Variants in SLIT3 observed in about 807,000 individuals in gnomAD.
The protein encoded by SLIT3 is slit homolog 3 protein.
SLIT3 carries 68 observed loss-of-function variants against 184.0 expected under a neutral mutation model. The observed-to-expected ratio is 0.37, with a 90% CI of 0.30 to 0.45. The LOEUF (loss-of-function observed/expected upper bound fraction) is 0.45, where lower values mean the gene tolerates loss of function less well. SLIT3 is among the 20% of genes least tolerant of loss of function. The pLI is 1.00. For missense variants in SLIT3, 1,707 were observed against 2,026.0 expected (o/e 0.84, Z 3.02); for synonymous variants, 831 against 828.6 (o/e 1.00, Z -0.05).
chr5:169,200,205 C>A (rs535766346), intron 3 of SLIT3, among the ~76,000 whole-genome samples: 13 of 152,236 alleles, frequency 8.5e-5, no homozygotes, highest in Non-Finnish European at 1.8e-4. Flanking sequence ...GCATGGCCCA[C>A]TGCACATCAA....
intron 26 of SLIT3, among the ~76,000 whole-genome samples, chr5:168,702,747 G>T (rs1004749678): frequency 2.0e-5 from 3 of 152,216 alleles, no homozygotes; most frequent in African/African-American, 7.2e-5. Flanking sequence ...GAATGTGAGT[G>T]ACTAAAATAC....
intron 4 of SLIT3, among the ~76,000 whole-genome samples, chr5:169,157,334 C>T (rs1209161451): frequency 6.6e-6 from 1 of 152,224 alleles, no homozygotes; most frequent in Non-Finnish European, 1.5e-5. Context: ...AAAGAAGCCA[C>T]CCCTGCCCCT....
intron 3 of SLIT3, among the ~76,000 whole-genome samples, chr5:169,235,902 C>T (rs961513301): frequency 4.6e-5 from 7 of 152,292 alleles, no homozygotes; most frequent in Middle Eastern, 3.4e-3. Flanking sequence ...CTTGATCACA[C>T]GGCTAAGGTG....
At chr5:169,200,518 C>G (rs1174033373) in intron 3 of SLIT3, among the ~76,000 whole-genome samples, 4 of 147,936 alleles carry the variant, frequency 2.7e-5, no homozygotes, top group Admixed American at 2.1e-4. Flanking sequence ...TTCCTGCCAG[C>G]TGCTGCTCCA....
rs1554115621 is a variant in SLIT3, at chr5:169,300,883, G to GGGA, written c.-175_-174insTCC. The GGGA allele has an allele frequency of 1.1e-4, 50 of 439,446 alleles. 1 individual carries two copies. Among genetic ancestry groups the GGGA allele is most frequent in the South Asian group, 4.1e-4 (4 of 9,760 alleles). The allele number at this position is 439,446 out of a possible 1,614,324, so 27.2% of individuals were successfully genotyped here. On this transcript the variant is annotated 5_prime_UTR_variant, in exon 1 of 36. Coordinates refer to ENST00000519560, the MANE Select transcript of SLIT3 (RefSeq NM_003062.4). This position sits in a 1 kb window ranked among gnomAD's most constrained non-coding sequence, Gnocchi z 4.1. Reference sequence around the variant, plus strand: ...GGGCGCGGGCGGAGCGGGGCGCTCCGGGCGGCGGCGGCGGCAGCAACAGCA... The same window carrying GGGA: ...GGGCGCGGGCGGAGCGGGGCGCTCCGGGAGGCGGCGGCGGCGGCAGCAACAGCA...
intron 4 of SLIT3, among the ~76,000 whole-genome samples, chr5:168,886,497 T>G (rs1256500531): frequency 6.6e-6 from 1 of 152,170 alleles, no homozygotes; most frequent in Admixed American, 6.5e-5. Context: ...TAACAAAATC[T>G]ATCCACGATG....
intron 2 of SLIT3, 126 bp downstream of exon 2, chr5:169,251,262 T>A (rs1765763747): frequency 8.4e-6 from 6 of 718,094 alleles, no homozygotes; most frequent in Non-Finnish European, 1.5e-5. Flanking sequence ...AGGGGCTTTC[T>A]GCTGCAGAAT....
intron 4 of SLIT3, among the ~76,000 whole-genome samples, chr5:168,940,503 T>A (rs1298973759): frequency 1.3e-5 from 2 of 152,226 alleles, no homozygotes; most frequent in African/African-American, 4.8e-5. Flanking sequence ...AAAGTATCTT[T>A]ATCTTTTTTT....
intron 4 of SLIT3, among the ~76,000 whole-genome samples, chr5:169,101,428 A>T (rs1416857499): frequency 6.6e-6 from 1 of 152,110 alleles, no homozygotes. Context: ...GTGTTAAGAG[A>T]TTAAATTCTT....
chr5:168,768,360 A>G (rs1484795287), intron 14 of SLIT3: 3 of 457,630 alleles, frequency 6.6e-6, no homozygotes, highest in Admixed American at 2.4e-5. Context: ...CGTGATTAGT[A>G]TCAGGAGTGG....
intron 4 of SLIT3, among the ~76,000 whole-genome samples, chr5:169,171,056 T>C (rs778754484): frequency 6.6e-6 from 1 of 152,112 alleles, no homozygotes; most frequent in Non-Finnish European, 1.5e-5. Context: ...AAAGACATCA[T>C]AAAAGGTGTG....
intron 1 of SLIT3, among the ~76,000 whole-genome samples, chr5:169,299,491 G>T (rs968474318): frequency 6.6e-6 from 1 of 152,084 alleles, no homozygotes; most frequent in Non-Finnish European, 1.5e-5. Context: ...GACACGGAGG[G>T]AATCTACCAC....
At chr5:168,786,940 C>T (rs1756176568) in intron 11 of SLIT3, among the ~76,000 whole-genome samples, 1 of 152,284 alleles carries the variant, frequency 6.6e-6, no homozygotes, top group South Asian at 2.1e-4. Context: ...CCCTGAAGTG[C>T]ACTGAATGCA....
rs577448821 is a variant in SLIT3 at position 169,070,813 on chromosome 5, AAAG to A, written c.413+122663_413+122665del. Among the ~76,000 whole-genome samples the A allele has an allele frequency of 3.6e-3, 538 of 150,910 alleles. 2 individuals are homozygous for A. Among genetic ancestry groups the A allele is most frequent in the African/African-American group, 0.012 (507 of 41,388 alleles). Reference sequence around the variant, plus strand: ...CATTTTCCTCAAAAAAAAAAAAAAAAAAGAAACAAAAAACAAAAACAAAAAACA... The same window carrying A: ...CATTTTCCTCAAAAAAAAAAAAAAAAAAACAAAAAACAAAAACAAAAAACA... On this transcript the variant is annotated intron_variant, in intron 4 of 35. Transcript: ENST00000519560.
chr5:168,932,256 G>GTT (rs66581399), intron 4 of SLIT3, among the ~76,000 whole-genome samples: 1 of 131,006 alleles, frequency 7.6e-6, no homozygotes, highest in African/African-American at 2.9e-5. Context: ...TGTTGTTGTT[G>GTT]TGTTTTTTTT....
At chr5:169,095,970 G>T (rs998246065) in intron 4 of SLIT3, among the ~76,000 whole-genome samples, 1 of 152,208 alleles carries the variant, frequency 6.6e-6, no homozygotes, top group Non-Finnish European at 1.5e-5. Context: ...TAGGGCTCAA[G>T]TCTCTATTGA....
At chr5:168,841,165 A>T (rs1440180806) in intron 6 of SLIT3, among the ~76,000 whole-genome samples, 1 of 152,234 alleles carries the variant, frequency 6.6e-6, no homozygotes, top group African/African-American at 2.4e-5. Flanking sequence ...GGCAACATGC[A>T]TCCAAAAGGC....
chr5:168,915,276 G>C (rs1339943900), intron 4 of SLIT3, among the ~76,000 whole-genome samples: 1 of 152,152 alleles, frequency 6.6e-6, no homozygotes, highest in Non-Finnish European at 1.5e-5. Context: ...TCAGGCAACA[G>C]TCATCAATGA....
At chr5:169,049,063 A>G (rs1409626435) in intron 4 of SLIT3, among the ~76,000 whole-genome samples, 1 of 152,198 alleles carries the variant, frequency 6.6e-6, no homozygotes, top group Admixed American at 6.5e-5. Context: ...AGAAAAGTCA[A>G]TAGCCTGTGA....
Sources: allele counts gnomAD v4.1 joint callset (sites outside exome capture counted in the v4.1 genomes callset), GRCh38; gene constraint gnomAD v4.1.1; non-coding constraint Gnocchi (gnomAD v3.1); transcripts MANE v1.5; gene names NCBI Gene and HGNC (gene_info 2026-07-23, HGNC 2026-07-21).